OASL: variants seen among roughly 807,000 people sequenced by gnomAD.
The protein encoded by OASL is 2'-5'-oligoadenylate synthase-like protein.
OASL carries 28 observed loss-of-function variants against 35.3 expected under a neutral mutation model. That is an observed-to-expected ratio of 0.79 (90% CI 0.59 to 1.09). OASL has a LOEUF of 1.09. OASL is among the 50% of genes least tolerant of loss of function. The pLI is 0.00. For synonymous variants in OASL, 252 were observed against 254.6 expected (o/e 0.99, Z 0.10); for missense variants, 620 against 635.2 (o/e 0.98, Z 0.26).
chr12:121,024,149 GA>G lies in OASL; in HGVS notation c.900-13del. On this transcript the variant is annotated splice_polypyrimidine_tract_variant and intron_variant, in intron 4 of 5. Transcript: ENST00000257570. ...CCAGGATGATGGGCCTGTAACACAG[GA>G]AAAGGGTGCCCAGGCTCATAATGGT... 6.2e-7 allele frequency: 1 copy of G among 1,612,630 alleles called. No homozygotes were observed. Among genetic ancestry groups the G allele is most frequent in the Non-Finnish European group, 8.5e-7 (1 of 1,179,198 alleles).
At chr12:121,036,207 G>A (rs117019392) in intron 1 of OASL, among the ~76,000 whole-genome samples, 28 of 152,290 alleles carry the variant, frequency 1.8e-4, no homozygotes, top group Non-Finnish European at 3.4e-4. Context: ...TCCAGGCAGA[G>A]AGAAAAGAAC....
At chr12:121,036,055 G>T (rs894437780) in intron 1 of OASL, among the ~76,000 whole-genome samples, 2 of 152,046 alleles carry the variant, frequency 1.3e-5, no homozygotes, top group African/African-American at 2.4e-5. Context: ...AGAGTCGGGG[G>T]TCTCACCATT....
chr12:121,038,667 C>T, intron 1 of OASL, 107 bp downstream of exon 1: 1 of 1,047,914 alleles, frequency 9.5e-7, no homozygotes, highest in Non-Finnish European at 1.4e-6. Flanking sequence ...GAGATGTCAT[C>T]AGCATGGGCT....
At chr12:121,023,469 T>C (rs1311644626) in intron 5 of OASL, among the ~76,000 whole-genome samples, 1 of 144,436 alleles carries the variant, frequency 6.9e-6, no homozygotes, top group Non-Finnish European at 1.5e-5. Flanking sequence ...TGTATTTTTT[T>C]AGTAGAGATG....
intron 1 of OASL, among the ~76,000 whole-genome samples, chr12:121,035,439 C>A (rs150350377): frequency 0.028 from 4,205 of 152,008 alleles, 90 homozygotes; most frequent in African/African-American, 0.055. Context: ...GCAGGAGAAT[C>A]GCTTGAACCC....
At chr12:121,027,795 C>T in exon 4 of OASL, 3 of 1,613,980 alleles carry the variant, frequency 1.9e-6, no homozygotes, top group Non-Finnish European at 2.5e-6. Context: ...CAGATTGGCT[C>T]TGGGGGACCT....
In OASL at chr12:121,021,071, G is replaced by A; in HGVS notation, c.1048-13C>T. 1 of 1,547,340 alleles carries A rather than the reference G, an allele frequency of 6.5e-7. No individual in the cohort carries two copies. Among genetic ancestry groups the A allele is most frequent in the South Asian group, 1.2e-5 (1 of 81,668 alleles). ...TGTCTCGTGCCCTCTGGAAGGGAGA[G>A]GGAGAAGGAGAGGTGTTAAGTCCAC... On this transcript the variant is annotated splice_polypyrimidine_tract_variant and intron_variant, in intron 5 of 5. Transcript: ENST00000257570.
chr12:121,037,397 C>T (rs572011930), intron 1 of OASL, among the ~76,000 whole-genome samples: 1 of 152,156 alleles, frequency 6.6e-6, no homozygotes, highest in East Asian at 1.9e-4. Context: ...GTGAGGGGGG[C>T]TTGGGTCCCT....
chr12:121,021,883 A>G (rs983392465), intron 5 of OASL, among the ~76,000 whole-genome samples: 3 of 152,130 alleles, frequency 2.0e-5, no homozygotes, highest in African/African-American at 7.2e-5. Context: ...ACTAGCCAAG[A>G]TAAAAAATAT....
chr12:121,032,495 G>A (rs1869776731), intron 2 of OASL, among the ~76,000 whole-genome samples: 1 of 152,188 alleles, frequency 6.6e-6, no homozygotes, highest in South Asian at 2.1e-4. Flanking sequence ...AACCAGTGAC[G>A]GCTGGGAAGC....
chr12:121,020,968 TAACCTTCCTTATGGG>T (rs1869210050), exon 6 of OASL: 1 of 1,614,036 alleles, frequency 6.2e-7, no homozygotes, highest in Admixed American at 1.7e-5. Flanking sequence ...ATTTTCTCTT[TAACCTTCCTTATGGG>T]CTCATAAGGG....
chr12:121,038,709 C>T, intron 1 of OASL, 65 bp downstream of exon 1: 1 of 1,544,106 alleles, frequency 6.5e-7, no homozygotes, highest in Non-Finnish European at 8.9e-7. Flanking sequence ...CCCCAGCATC[C>T]CCAGGGACGT....
At position 121,039,007 on chromosome 12, in the gene OASL, T is replaced by C. The variant is rs75191997; in HGVS notation, c.-36A>G. The C allele has an allele frequency of 1.9e-3, 2,973 of 1,583,644 alleles. 42 individuals carry two copies. The African/African-American group carries it at 0.036, about 19-fold the overall frequency. Reference sequence around the variant, plus strand: ...AGAGTACCGCTGCTGGGCAGATATATAGCCAGGCTCCTACCCAGCTCCCTG... The same window carrying C: ...AGAGTACCGCTGCTGGGCAGATATACAGCCAGGCTCCTACCCAGCTCCCTG... On this transcript the variant is annotated 5_prime_UTR_variant, in exon 1 of 6. Transcript: ENST00000257570.
At chr12:121,031,101 T>G (rs1250911701) in intron 3 of OASL, among the ~76,000 whole-genome samples, 1 of 151,770 alleles carries the variant, frequency 6.6e-6, no homozygotes, top group Non-Finnish European at 1.5e-5. Context: ...CTACAGTGAG[T>G]GGTGATTGCA....
chr12:121,019,929 T>A (rs770437208), exon 6 of OASL: 2 of 151,982 alleles, frequency 1.3e-5, no homozygotes, highest in Non-Finnish European at 2.9e-5. Flanking sequence ...AGGATGGGAG[T>A]AGGGTGGGGA....
chr12:121,023,867 G>A (rs1869361076), intron 5 of OASL, 123 bp downstream of exon 5: 1 of 1,156,428 alleles, frequency 8.6e-7, no homozygotes, highest in East Asian at 2.4e-5. Flanking sequence ...GGTGCAGCTG[G>A]CCCTTAAACG....
exon 1 of OASL, chr12:121,039,238 A>G (rs2135920840): frequency 4.0e-6 from 2 of 505,898 alleles, no homozygotes; most frequent in Non-Finnish European, 7.2e-6. Context: ...CTGGCCGTCT[A>G]GTCAATCTGT....
intron 2 of OASL, 85 bp from the exon 3 acceptor site, chr12:121,031,702 T>C (rs1869742306): frequency 8.3e-7 from 1 of 1,198,174 alleles, no homozygotes; most frequent in African/African-American, 1.5e-5. Flanking sequence ...AGCCTGCCTT[T>C]ACATTGGAAG....
chr12:121,030,541 G>T (rs1205233691), intron 3 of OASL, among the ~76,000 whole-genome samples: 1 of 152,006 alleles, frequency 6.6e-6, no homozygotes, highest in Admixed American at 6.6e-5. Context: ...TCCTTCTGCT[G>T]TCTGATTCCC....
Sources: allele counts gnomAD v4.1 joint callset (sites outside exome capture counted in the v4.1 genomes callset), GRCh38; gene constraint gnomAD v4.1.1; transcripts MANE v1.5; gene names NCBI Gene and HGNC (gene_info 2026-07-23, HGNC 2026-07-21).